Variants in KRT4 observed in about 807,000 individuals in gnomAD.
KRT4 encodes keratin, type II cytoskeletal 4.
A neutral mutation model predicts 50.6 loss-of-function variants in KRT4; 47 were observed. That is an observed-to-expected ratio of 0.93 (90% CI 0.73 to 1.18). KRT4 has a LOEUF of 1.18. Ranked by LOEUF, KRT4 falls within the 50% of genes most tolerant of loss-of-function variation. KRT4 has a pLI of 0.00. For synonymous variants in KRT4, 254 were observed against 251.2 expected, an observed-to-expected ratio of 1.01 and a Z score of -0.10; for missense variants, 651 against 645.7, an observed-to-expected ratio of 1.01 and a Z score of -0.09.
In KRT4 at chr12:52,808,296, G is replaced by A. The variant is rs890223684; in HGVS notation, c.1123C>T (p.Gln375Ter). The change falls in exon 6 of 9, where the codon CAG becomes TAG. Residue 375 changes from glutamine to a stop codon, truncating the protein, a stop_gained and splice_region_variant. Coordinates refer to ENST00000551956, the MANE Select transcript of KRT4 (RefSeq NM_002272.4). LOFTEE classifies it high-confidence loss of function. The part of the protein sequence containing the change: ...LRAEIENIKK[Q>*]CQTLQVSVAD... ...ATCTGGAAGGGAGTGACACCCACCT[G>A]CTTCTTGATGTTCTCGATCTCTGCC... 1.9e-6 allele frequency: 3 copies of A among 1,614,084 alleles called. No individual in the cohort carries two copies. The highest frequency in any genetic ancestry group is 3.3e-5 in the Admixed American group (2 of 60,022).
chr12:52,807,694 C>T lies in KRT4; in HGVS notation c.1296G>A (p.Leu432=), dbSNP rs1241954315. The T allele has an allele frequency of 6.2e-7, 1 of 1,614,166 alleles. No individual in the cohort carries two copies. Among genetic ancestry groups the T allele is most frequent in the South Asian group, 1.1e-5 (1 of 91,080 alleles). ...YQELMSVKLA[L]DIEIATYRKL... is the part of the protein sequence containing the mutation. ...TGCGGTAGGTGGCGATCTCGATGTC[C>T]AAGGCCAGCTTCACACTCATGAGCT... Residue 432 remains leucine, a synonymous_variant, in exon 7 of 9, where the codon TTG becomes TTA. Coordinates refer to ENST00000551956, the MANE Select transcript of KRT4 (RefSeq NM_002272.4).
intron 1 of KRT4, 139 bp from the exon 2 acceptor site, chr12:52,812,116 T>C (rs777880044): frequency 3.1e-5 from 22 of 711,184 alleles, no homozygotes; most frequent in Non-Finnish European, 4.5e-5. Flanking sequence ...ATGTTGCATC[T>C]CCAGGGCACC....
intron 3 of KRT4, 58 bp downstream of exon 3, chr12:52,810,698 C>T (rs771084245): frequency 3.5e-6 from 5 of 1,421,596 alleles, no homozygotes; most frequent in Admixed American, 3.3e-5. Context: ...CAGCCAAAGA[C>T]CACTCCCCAA....
At chr12:52,809,029 T>G in intron 4 of KRT4, 179 bp from the exon 5 acceptor site, 1 of 727,774 alleles carries the variant, frequency 1.4e-6, no homozygotes, top group Non-Finnish European at 2.4e-6. Context: ...CTTCTAGTCT[T>G]TACTGGTCCC....
In KRT4 at chr12:52,808,702, G is replaced by A. The variant is rs749943854; in HGVS notation, c.983C>T (p.Ala328Val). ...ACCACCCACCTTGGTCTGGTACAGG[G>A]CTTCAGCCTCAGCCTTGCTCCTCTG... Reference protein sequence around the residue: ...IAQRSKAEAEALYQTKVQQLQ... With the variant: ...IAQRSKAEAEVLYQTKVQQLQ... Residue 328 changes from alanine to valine, a missense_variant, in exon 5 of 9, where the codon GCC becomes GTC. Coordinates refer to ENST00000551956, the MANE Select transcript of KRT4 (RefSeq NM_002272.4). 1.9e-4 allele frequency: 310 copies of A among 1,614,062 alleles called. No homozygotes were observed. The highest frequency in any genetic ancestry group is 2.6e-4 in the Non-Finnish European group (308 of 1,180,040).
intron 3 of KRT4, among the ~76,000 whole-genome samples, chr12:52,810,537 A>G (rs1368877228): frequency 6.6e-6 from 1 of 152,076 alleles, no homozygotes; most frequent in Non-Finnish European, 1.5e-5. Flanking sequence ...AAAAGAGTGA[A>G]GCTCCATCTC....
In KRT4 at chr12:52,809,457, T is replaced by C. The variant is rs1187324139; in HGVS notation, c.760A>G (p.Asn254Asp). Reference protein sequence around the residue: ...LKKDVDAAYLNKVELEAKVDS... With the variant: ...LKKDVDAAYLDKVELEAKVDS... Reference sequence around the variant, plus strand: ...ACCTTGGCCTCCAACTCCACCTTGTTCAGGTAGGCAGCATCCACGTCCTGC... The same window carrying C: ...ACCTTGGCCTCCAACTCCACCTTGTCCAGGTAGGCAGCATCCACGTCCTGC... The change falls in exon 4 of 9, where the codon AAC (asparagine) becomes GAC (aspartate). Residue 254 changes from asparagine (N) to aspartate (D), a missense_variant. Asn to Asp is a conservative substitution (Grantham distance 23). Coordinates refer to ENST00000551956, the MANE Select transcript of KRT4 (RefSeq NM_002272.4). 2.9e-5 allele frequency: 46 copies of C among 1,613,868 alleles called. No homozygotes were observed. The highest frequency in any genetic ancestry group is 3.6e-5 in the Non-Finnish European group (42 of 1,179,904).
intron 1 of KRT4, 93 bp from the exon 2 acceptor site, chr12:52,812,070 A>G (rs1032860245): frequency 1.1e-5 from 11 of 1,008,660 alleles, no homozygotes; most frequent in African/African-American, 1.6e-5. Context: ...ATCCCAGGGA[A>G]CTACACGGCC....
In KRT4 at chr12:52,814,100, G is replaced by T; in HGVS notation, c.-42C>A. The T allele has an allele frequency of 6.2e-7, 1 of 1,613,924 alleles. No individual in the cohort carries two copies. Among genetic ancestry groups the T allele is most frequent in the Non-Finnish European group, 8.5e-7 (1 of 1,179,946 alleles). Reference sequence around the variant, plus strand: ...CTGGGAGCTATCAGAGAAGTGACAGGGCCCAGGCCGGTGAGTGCTGGAGCC... The same window carrying T: ...CTGGGAGCTATCAGAGAAGTGACAGTGCCCAGGCCGGTGAGTGCTGGAGCC... On this transcript the variant is annotated 5_prime_UTR_variant, in exon 1 of 9. Coordinates refer to ENST00000551956, the MANE Select transcript of KRT4 (RefSeq NM_002272.4).
chr12:52,806,780 C>T lies in KRT4; in HGVS notation c.*289G>A, dbSNP rs886049639. 5.8e-5 allele frequency: 29 copies of T among 498,942 alleles called. No individual in the cohort carries two copies. The highest frequency in any genetic ancestry group is 6.2e-5 in the Non-Finnish European group (17 of 273,224). The allele number at this position is 498,942 out of a possible 1,614,324, so 30.9% of individuals were successfully genotyped here. A position where few individuals can be genotyped will look rare whatever the true frequency, so the allele number is the denominator to read the frequency against. On this transcript the variant is annotated 3_prime_UTR_variant, in exon 9 of 9. Coordinates refer to ENST00000551956, the MANE Select transcript of KRT4 (RefSeq NM_002272.4). ...CCCCAATAATTCTGGAGATGACACTCCTGGTCATTTTCTTCTCTGTCCATG... is the reference window on the plus strand; with the variant it reads ...CCCCAATAATTCTGGAGATGACACTTCTGGTCATTTTCTTCTCTGTCCATG...
intron 8 of KRT4, 25 bp from the exon 9 acceptor site, chr12:52,807,275 A>T (rs1198161008): frequency 1.2e-6 from 2 of 1,614,046 alleles, no homozygotes; most frequent in African/African-American, 1.3e-5. Context: ...CAAAAGACAC[A>T]GTTATTCCAA....
At chr12:52,812,035 A>C in intron 1 of KRT4, 58 bp from the exon 2 acceptor site, 2 of 1,406,482 alleles carry the variant, frequency 1.4e-6, no homozygotes, top group Non-Finnish European at 2.0e-6. Context: ...CAGGAGGGCC[A>C]GCCAAGGCAA....
At chr12:52,808,059 T>G (rs1240829892) in intron 6 of KRT4, among the ~76,000 whole-genome samples, 195 bp from the exon 7 acceptor site, 4 of 152,070 alleles carry the variant, frequency 2.6e-5, no homozygotes, top group Admixed American at 2.6e-4. Flanking sequence ...ACTGATTAAA[T>G]AAAAATGAGC....
rs1939800056 is a variant in KRT4, at chr12:52,806,583, G to A, written c.*486C>T. On this transcript the variant is annotated 3_prime_UTR_variant, in exon 9 of 9. Coordinates refer to ENST00000551956, the MANE Select transcript of KRT4 (RefSeq NM_002272.4). ...AAAGCATTTTATTGAAGATTCACCT[G>A]CAGATGGATAAGAGGGAATGAGAGG... 5.0e-6 allele frequency: 1 copy of A among 201,440 alleles called. No individual in the cohort carries two copies. Among genetic ancestry groups the A allele is most frequent in the Non-Finnish European group, 1.0e-5 (1 of 97,040 alleles). 12.5% of individuals were successfully genotyped at this position (201,440 alleles called of 1,614,324 possible).
chr12:52,808,675 A>G lies in KRT4; in HGVS notation c.999+11T>C, dbSNP rs760718953. 7.4e-6 allele frequency: 12 copies of G among 1,613,794 alleles called. No homozygotes were observed. The highest frequency in any genetic ancestry group is 1.0e-5 in the Non-Finnish European group (12 of 1,179,656). ...GCCAGCCCCATCTCCTGAGAGATCC[A>G]TACCACCCACCTTGGTCTGGTACAG... On this transcript the variant is annotated intron_variant, in intron 5 of 8. Transcript: ENST00000551956.
chr12:52,807,024 G>A lies in KRT4; in HGVS notation c.*45C>T, dbSNP rs188069560. The A allele has an allele frequency of 5.9e-5, 94 of 1,589,672 alleles. No homozygotes were observed. The African/African-American group carries it at 1.2e-3, about 21-fold the overall frequency. On this transcript the variant is annotated 3_prime_UTR_variant, in exon 9 of 9. Transcript: ENST00000551956. Reference sequence around the variant, plus strand: ...GTGAAGGAAGCACAGAGACACCAGTGCTGGGCCCAGCTGGACACAGTGAGC... The same window carrying A: ...GTGAAGGAAGCACAGAGACACCAGTACTGGGCCCAGCTGGACACAGTGAGC...
chr12:52,811,364 A>T (rs1939906997), intron 2 of KRT4: 2 of 268,964 alleles, frequency 7.4e-6, no homozygotes, highest in Admixed American at 5.1e-5. Context: ...CCCCATTTCA[A>T]AGATGAATAA....
In KRT4 at chr12:52,811,945, C is replaced by T. The variant is rs754137652; in HGVS notation, c.495G>A (p.Leu165=). 1 of 1,613,894 alleles carries T rather than the reference C, an allele frequency of 6.2e-7. No homozygotes were observed. The highest frequency in any genetic ancestry group is 8.5e-7 in the Non-Finnish European group (1 of 1,179,994). ...GCTGGAGCAGGTTCCATTTGGTCTC[C>T]AGGACCTTATTCTGTTGCTCTAAGA... The part of the protein sequence containing the change: ...VQFLEQQNKV[L]ETKWNLLQQQ... Residue 165 remains leucine (L), a synonymous_variant, in exon 2 of 9, where the codon CTG becomes CTA. Transcript: ENST00000551956.
chr12:52,808,068 G>A (rs1300618523), intron 6 of KRT4, among the ~76,000 whole-genome samples: 2 of 152,100 alleles, frequency 1.3e-5, no homozygotes, highest in East Asian at 3.9e-4. Flanking sequence ...ATAAAAATGA[G>A]CAAAAACCCA....
Sources: gnomAD v4.1 joint callset for allele counts (sites outside exome capture counted in the v4.1 genomes callset) on GRCh38, gnomAD v4.1.1 for gene constraint, MANE v1.5 for transcripts, NCBI Gene and HGNC (gene_info 2026-07-23, HGNC 2026-07-21) for gene names.